LMAN1L: variants seen among roughly 807,000 people sequenced by gnomAD.
LMAN1L encodes protein ERGIC-53-like.
A neutral mutation model predicts 58.3 loss-of-function variants in LMAN1L; 60 were observed. That is an observed-to-expected ratio of 1.03 (90% CI 0.84 to 1.27). The LOEUF is 1.27. LMAN1L is among the 50% of genes most tolerant of loss of function. The pLI is 0.00. For synonymous variants in LMAN1L, 280 were observed against 271.6 expected (o/e 1.03, Z -0.31); for missense variants, 629 against 674.0 (o/e 0.93, Z 0.74).
Position 74,821,235 on chromosome 15 carries a change from C to A in LMAN1L, c.1059+9C>A. ...GGCCTGACGGAGGCTGGGTGAGAAGCCCTACAGGCATCCAAGGCTCCACCT... is the reference window on the plus strand; with the variant it reads ...GGCCTGACGGAGGCTGGGTGAGAAGACCTACAGGCATCCAAGGCTCCACCT... On this transcript the variant is annotated intron_variant, in intron 9 of 13. Transcript: ENST00000309664. 6.5e-7 allele frequency: 1 copy of A among 1,547,806 alleles called. No homozygotes were observed. Among genetic ancestry groups the A allele is most frequent in the Non-Finnish European group, 8.7e-7 (1 of 1,146,510 alleles).
intron 7 of LMAN1L, chr15:74,820,361 A>G (rs1241710786): frequency 8.1e-6 from 5 of 615,566 alleles, no homozygotes; most frequent in Non-Finnish European, 1.4e-5. Context: ...GTGGGAGCAC[A>G]GAGGAGGAGT....
rs1440178993 is a variant in LMAN1L, at chr15:74,816,346, T to C, written c.330+35T>C. On this transcript the variant is annotated intron_variant, in intron 2 of 13. Transcript: ENST00000309664. ...CTCTCCCAGAGCTGACAGAGCGGGG[T>C]GGGTCAGGGAGGCGGGTGATGAGCC... 4 of 1,607,082 alleles carry C rather than the reference T, an allele frequency of 2.5e-6. No homozygotes were observed. In the South Asian group the frequency reaches 4.4e-5, roughly 18 times the overall value.
intron 11 of LMAN1L, among the ~76,000 whole-genome samples, chr15:74,823,343 C>T (rs2063925598): frequency 6.6e-6 from 1 of 152,080 alleles, no homozygotes; most frequent in South Asian, 2.1e-4. Flanking sequence ...CTGGGGTTGA[C>T]ACAGATAGCT....
intron 11 of LMAN1L, 32 bp from the exon 12 acceptor site, chr15:74,823,527 A>G (rs1416903107): frequency 1.2e-6 from 2 of 1,612,084 alleles, no homozygotes; most frequent in African/African-American, 2.7e-5. Context: ...AGAGGTAATG[A>G]GTCATCTTAC....
intron 7 of LMAN1L, chr15:74,820,390 C>G (rs2063910856): frequency 3.2e-6 from 2 of 628,472 alleles, no homozygotes; most frequent in East Asian, 2.7e-5. Context: ...GCCAGGGGGT[C>G]AAGGAAGGCT....
chr15:74,812,853 C>A lies in LMAN1L; in HGVS notation c.-2C>A, dbSNP rs760015596. The A allele has an allele frequency of 2.5e-6, 4 of 1,591,206 alleles. No individual in the cohort carries two copies. In the South Asian group the frequency reaches 3.4e-5, roughly 13 times the overall value. ...GGGGCCCAGACTTCAGGCGCCTTCACGATGCCGGCGGTCAGTGGTCCAGGT... is the reference window on the plus strand; with the variant it reads ...GGGGCCCAGACTTCAGGCGCCTTCAAGATGCCGGCGGTCAGTGGTCCAGGT... On this transcript the variant is annotated 5_prime_UTR_variant, in exon 1 of 14. Coordinates refer to ENST00000309664, the MANE Select transcript of LMAN1L (RefSeq NM_021819.3).
chr15:74,819,142 T>TG lies in LMAN1L; in HGVS notation c.598-9dup. 1 of 1,603,706 alleles carries TG rather than the reference T, an allele frequency of 6.2e-7. No individual in the cohort carries two copies. Among genetic ancestry groups the TG allele is most frequent in the Non-Finnish European group, 8.5e-7 (1 of 1,174,190 alleles). On this transcript the variant is annotated splice_polypyrimidine_tract_variant and intron_variant, in intron 5 of 13. Transcript: ENST00000309664. ...ACCCCCCCACTGCTCACTCTCTCCA[T>TG]GTCCCTCAGATGTCCTTGAACAGTG...
intron 1 of LMAN1L, among the ~76,000 whole-genome samples, chr15:74,814,255 G>A (rs2063879123): frequency 6.6e-6 from 1 of 150,418 alleles, no homozygotes; most frequent in Admixed American, 6.6e-5. Context: ...GTGCAGTGGT[G>A]TGATCTTGGC....
chr15:74,824,542 A>AT, intron 13 of LMAN1L, 64 bp downstream of exon 13: 1 of 1,591,416 alleles, frequency 6.3e-7, no homozygotes, highest in South Asian at 1.1e-5. Flanking sequence ...AGCTATAACC[A>AT]TTGGATTTAG....
chr15:74,820,145 TG>T, intron 7 of LMAN1L, 46 bp downstream of exon 7: 1 of 1,529,768 alleles, frequency 6.5e-7, no homozygotes. Flanking sequence ...CCAGGGACCC[TG>T]CCCTCACCCA....
chr15:74,820,661 G>C lies in LMAN1L; in HGVS notation c.801G>C (p.Met267Ile). Reference sequence around the variant, plus strand: ...TTCCCCCTCAGCCCTTCCTGGAGATGCAGCAGCTCCGCCTGGCGAGGCAGC... The same window carrying C: ...TTCCCCCTCAGCCCTTCCTGGAGATCCAGCAGCTCCGCCTGGCGAGGCAGC... ...PEVPPQPFLE[M>I]QQLRLARQLE... Residue 267 changes from methionine to isoleucine, a missense_variant, in exon 8 of 14, where the codon ATG (methionine) becomes ATC (isoleucine). Around this residue, in one of 3 missense-constraint regions of LMAN1L, gnomAD observed 573 missense variants for 597.3 expected, o/e 0.96. Transcript: ENST00000309664. 1 of 1,614,064 alleles carries C rather than the reference G, an allele frequency of 6.2e-7. No homozygotes were observed. The highest frequency in any genetic ancestry group is 2.2e-5 in the East Asian group (1 of 44,874).
rs115735578 is a variant in LMAN1L at position 74,820,118 on chromosome 15, T to C, written c.774+19T>C. The C allele has an allele frequency of 3.7e-6, 6 of 1,610,390 alleles. No individual in the cohort carries two copies. In the South Asian group the frequency reaches 4.4e-5, roughly 12 times the overall value. Reference sequence around the variant, plus strand: ...CCCAGAGGTGATGCCAGCCCTGGCCTACCTGGGAATGGCAGCCCAGGGACC... The same window carrying C: ...CCCAGAGGTGATGCCAGCCCTGGCCCACCTGGGAATGGCAGCCCAGGGACC... On this transcript the variant is annotated intron_variant, in intron 7 of 13. Transcript: ENST00000309664.
Position 74,821,193 on chromosome 15 carries a change from G to GC in LMAN1L, c.1031dup (p.Gly345ArgfsTer6). On this transcript the variant is annotated frameshift_variant, in exon 9 of 14. Transcript: ENST00000309664. LOFTEE classifies it high-confidence loss of function. ...AGAGACAATGGAAGAAGCAGCTGGG[G>GC]CCCCCAGGCCAAGCCAGGCCTGACG... 6.5e-7 allele frequency: 1 copy of GC among 1,550,254 alleles called. No individual in the cohort carries two copies. Among genetic ancestry groups the GC allele is most frequent in the South Asian group, 1.2e-5 (1 of 84,020 alleles).
Position 74,818,895 on chromosome 15 carries a change from C to G in LMAN1L, c.597+78C>G, listed in dbSNP as rs1228647361. ...TGTGCGTGCCCACGGCCCCAACACA[C>G]CAGTGCCTGTGACACCACGTGAGGT... On this transcript the variant is annotated intron_variant, in intron 5 of 13. Coordinates refer to ENST00000309664, the MANE Select transcript of LMAN1L (RefSeq NM_021819.3). The G allele has an allele frequency of 3.1e-6, 4 of 1,302,506 alleles. No homozygotes were observed. In the East Asian group the frequency reaches 9.9e-5, roughly 32 times the overall value. 80.7% of individuals were successfully genotyped at this position (1,302,506 alleles called of 1,614,324 possible).
In LMAN1L at chr15:74,812,975, G is replaced by C; in HGVS notation, c.121G>C (p.Gly41Arg). The C allele has an allele frequency of 1.2e-6, 2 of 1,614,078 alleles. No homozygotes were observed. Among genetic ancestry groups the C allele is most frequent in the Non-Finnish European group, 1.7e-6 (2 of 1,179,978 alleles). ...RRFEYKLSFK[G>R]PRLALPGAGI... ...GTTTGAGTACAAGCTCAGCTTCAAA[G>C]GCCCAAGGCTGGCATTGCCTGGGGC... is the stretch of plus-strand genomic sequence containing the variant. The change falls in exon 1 of 14, where the codon GGC becomes CGC. Residue 41 changes from glycine to arginine, a missense_variant. This residue lies in a region of LMAN1L where 573 missense variants were observed against 597.3 expected (regional missense o/e 0.96). Transcript: ENST00000309664.
At chr15:74,817,188 C>A (rs897514158) in intron 4 of LMAN1L, among the ~76,000 whole-genome samples, 1 of 152,184 alleles carries the variant, frequency 6.6e-6, no homozygotes, top group Admixed American at 6.5e-5. Flanking sequence ...CTCTCAGCAA[C>A]CTTCTCTCGG....
chr15:74,820,062 C>G lies in LMAN1L; in HGVS notation c.737C>G (p.Ser246Cys). ...CTTCCAGATGATCATGATGTCCTGT[C>G]CTTCCTGACCTTCAGCCTGAGTGAG... The part of the protein sequence containing the change: ...GTLADDHDVL[S>C]FLTFSLSEPS... The change falls in exon 7 of 14, where the codon TCC becomes TGC. Residue 246 changes from serine to cysteine, a missense_variant. Around this residue, in one of 3 missense-constraint regions of LMAN1L, gnomAD observed 573 missense variants for 597.3 expected, o/e 0.96. Coordinates refer to ENST00000309664, the MANE Select transcript of LMAN1L (RefSeq NM_021819.3). The G allele has an allele frequency of 1.2e-6, 2 of 1,614,126 alleles. No homozygotes were observed. Among genetic ancestry groups the G allele is most frequent in the Middle Eastern group, 1.6e-4 (1 of 6,062 alleles).
chr15:74,824,124 T>G, intron 12 of LMAN1L: 1 of 593,266 alleles, frequency 1.7e-6, no homozygotes, highest in Non-Finnish European at 3.0e-6. Context: ...GGCCCCTTGA[T>G]GATCCCAGGC....
chr15:74,823,528 G>T, intron 11 of LMAN1L, 31 bp from the exon 12 acceptor site: 2 of 1,612,386 alleles, frequency 1.2e-6, no homozygotes, highest in South Asian at 2.2e-5. Flanking sequence ...GAGGTAATGA[G>T]TCATCTTACT....
Sources: allele counts gnomAD v4.1 joint callset (sites outside exome capture counted in the v4.1 genomes callset), GRCh38; gene constraint gnomAD v4.1.1; regional missense constraint gnomAD v4.1.1; transcripts MANE v1.5; gene names NCBI Gene and HGNC (gene_info 2026-07-23, HGNC 2026-07-21).